Variants in CPLANE1 observed in about 807,000 individuals in gnomAD.
The protein encoded by CPLANE1 is ciliogenesis and planar polarity effector complex subunit 1.
In CPLANE1, 263 loss-of-function variants were observed where a neutral mutation model predicts 362.5. The ratio of observed to expected loss-of-function variants is 0.73; its 90% confidence interval spans 0.66 to 0.80. The LOEUF (loss-of-function observed/expected upper bound fraction) is 0.80. CPLANE1 is among the 30% of genes least tolerant of loss of function. The pLI is 0.00. For synonymous variants in CPLANE1, 1,212 were observed against 1,302.6 expected (o/e 0.93, Z 1.50); for missense variants, 3,461 against 3,793.4 (o/e 0.91, Z 2.30).
chr5:37,119,263 T>C (rs989505177), intron 50 of CPLANE1, among the ~76,000 whole-genome samples: 2 of 152,204 alleles, frequency 1.3e-5, no homozygotes, highest in African/African-American at 2.4e-5. Context: ...CATCCTGCAA[T>C]CTATCAGAAC....
At chr5:37,180,369 A>G (rs1250298182) in intron 27 of CPLANE1, among the ~76,000 whole-genome samples, 186 bp from the exon 28 acceptor site, 1 of 152,044 alleles carries the variant, frequency 6.6e-6, no homozygotes. Context: ...ATATTTATAA[A>G]ATCTTTCTTT....
At chr5:37,092,503 G>C in the CPLANE1 span, among the ~76,000 whole-genome samples, 4 of 152,200 alleles carry the variant, frequency 2.6e-5, no homozygotes, top group Non-Finnish European at 4.4e-5. Flanking sequence ...CTGTCACAGG[G>C]GACAAGCCCA....
the CPLANE1 span, among the ~76,000 whole-genome samples, chr5:37,083,636 G>A: frequency 6.6e-6 from 1 of 152,140 alleles, no homozygotes. Flanking sequence ...AAAATGCTCT[G>A]GAAAGTCTCA....
chr5:37,132,346 T>G (rs6873789), intron 46 of CPLANE1, among the ~76,000 whole-genome samples: 5,027 of 92,258 alleles, frequency 0.054, 222 homozygotes, highest in African/African-American at 0.13. Flanking sequence ...AGTTTTTTTT[T>G]TTTTTTTTTT....
chr5:37,212,324 T>A, intron 16 of CPLANE1: 1 of 900,440 alleles, frequency 1.1e-6, no homozygotes, highest in Non-Finnish European at 1.9e-6. Context: ...TGCAATGTAG[T>A]GACAAAGTCG....
At chr5:37,204,741 T>C (rs937104468) in intron 18 of CPLANE1, among the ~76,000 whole-genome samples, 1 of 121,544 alleles carries the variant, frequency 8.2e-6, no homozygotes, top group Non-Finnish European at 1.6e-5. Flanking sequence ...AAAGCTACTT[T>C]AATATTTAAA....
At chr5:37,210,520 T>G (rs1792290451) in intron 16 of CPLANE1, 1 of 1,384,714 alleles carries the variant, frequency 7.2e-7, no homozygotes, top group Non-Finnish European at 1.0e-6. Context: ...CAAGAGGAGC[T>G]CATAGCTTTT....
rs2150139936 is a variant in CPLANE1, at chr5:37,125,332, T to C, written c.8870A>G (p.Lys2957Arg). ...RREIQAWMKRKRKERMAKYLN... is the reference protein window; with the variant it reads ...RREIQAWMKRRRKERMAKYLN... ...GTACTTTGCCATTCTTTCTTTTCGT[T>C]TTCTTTTCATCCAGGCTTGAATCTC... The change falls in exon 47 of 53, where the codon AAA (lysine) becomes AGA (arginine). Residue 2957 changes from lysine to arginine, a missense_variant. By Grantham distance (26) the Lys-to-Arg change is conservative. Around this residue, in one of 2 missense-constraint regions of CPLANE1, gnomAD observed 3,380 missense variants for 3,666.1 expected, o/e 0.92. Transcript: ENST00000651892. The C allele has an allele frequency of 6.2e-7, 1 of 1,614,048 alleles. No individual in the cohort carries two copies. Among genetic ancestry groups the C allele is most frequent in the South Asian group, 1.1e-5 (1 of 91,070 alleles).
intron 46 of CPLANE1, among the ~76,000 whole-genome samples, chr5:37,132,229 A>G (rs1334211126): frequency 6.6e-6 from 1 of 151,976 alleles, no homozygotes; most frequent in African/African-American, 2.4e-5. Context: ...ATGAGGTCTT[A>G]TAAGTTCAAT....
At chr5:37,109,746 T>C (rs1400236652) in intron 51 of CPLANE1, among the ~76,000 whole-genome samples, 1 of 152,200 alleles carries the variant, frequency 6.6e-6, no homozygotes, top group Admixed American at 6.5e-5. Flanking sequence ...AACCTCTGCC[T>C]CCCGGATTCA....
the CPLANE1 span, among the ~76,000 whole-genome samples, chr5:37,086,477 T>C: frequency 1.3e-5 from 2 of 152,216 alleles, no homozygotes; most frequent in Non-Finnish European, 2.9e-5. Flanking sequence ...AGCTTCAAGA[T>C]AGAGTTATGG....
At chr5:37,241,390 A>G (rs1310870865) in intron 6 of CPLANE1, among the ~76,000 whole-genome samples, 1 of 151,812 alleles carries the variant, frequency 6.6e-6, no homozygotes, top group East Asian at 1.9e-4. Flanking sequence ...GGGAGGCAGA[A>G]GTTGCAGTGA....
At position 37,114,953 on chromosome 5, in the gene CPLANE1, C is replaced by A; in HGVS notation, c.9400+7G>T. 6.4e-7 allele frequency: 1 copy of A among 1,554,894 alleles called. No individual in the cohort carries two copies. The highest frequency in any genetic ancestry group is 1.1e-5 in the South Asian group (1 of 88,706). ...AGTCTAAAAACTTTATCTTCTTTATCCCTTACCTTTTTGGAAGGTAACTGG... is the reference window on the plus strand; with the variant it reads ...AGTCTAAAAACTTTATCTTCTTTATACCTTACCTTTTTGGAAGGTAACTGG... On this transcript the variant is annotated splice_region_variant and intron_variant, in intron 51 of 52. Transcript: ENST00000651892.
the CPLANE1 span, among the ~76,000 whole-genome samples, chr5:37,084,256 T>C: frequency 1.3e-5 from 2 of 152,110 alleles, no homozygotes; most frequent in Non-Finnish European, 2.9e-5. Flanking sequence ...CAAGCCACCA[T>C]TACAAGAACA....
intron 46 of CPLANE1, among the ~76,000 whole-genome samples, chr5:37,126,959 T>G (rs1414609375): frequency 6.6e-6 from 1 of 152,214 alleles, no homozygotes; most frequent in Non-Finnish European, 1.5e-5. Flanking sequence ...TCTGAATATC[T>G]GCTTTCCTTT....
At chr5:37,128,876 AT>A (rs1764987429) in intron 46 of CPLANE1, among the ~76,000 whole-genome samples, 1 of 151,854 alleles carries the variant, frequency 6.6e-6, no homozygotes. Flanking sequence ...CAAAAAAAAA[AT>A]CATCATTCTT....
At chr5:37,210,470 T>G (rs1184213295) in intron 16 of CPLANE1, 4 of 1,119,192 alleles carry the variant, frequency 3.6e-6, no homozygotes, top group African/African-American at 1.6e-5. Flanking sequence ...ATCGACTGAT[T>G]GAAGATGAAA....
intron 16 of CPLANE1, among the ~76,000 whole-genome samples, chr5:37,207,771 T>A (rs1039095662): frequency 6.6e-6 from 1 of 152,212 alleles, no homozygotes; most frequent in Non-Finnish European, 1.5e-5. Context: ...TACATATGTA[T>A]CTGTTCATGT....
At chr5:37,208,503 C>G (rs892805111) in intron 16 of CPLANE1, among the ~76,000 whole-genome samples, 6 of 152,298 alleles carry the variant, frequency 3.9e-5, no homozygotes, top group African/African-American at 1.4e-4. Flanking sequence ...CGGTGAAACC[C>G]CGTCTCCACT....
Sources: gnomAD v4.1 joint callset for allele counts (sites outside exome capture counted in the v4.1 genomes callset) on GRCh38, gnomAD v4.1.1 for gene constraint, gnomAD v4.1.1 regional missense constraint, MANE v1.5 for transcripts, NCBI Gene and HGNC (gene_info 2026-07-23, HGNC 2026-07-21) for gene names.